Variants in UNC80 observed in about 807,000 individuals in gnomAD.
UNC80 encodes the protein unc-80 subunit of NALCN channel complex.
In UNC80, 164 loss-of-function variants were observed where a neutral mutation model predicts 384.6. The observed-to-expected ratio is 0.43, with a 90% confidence interval of 0.38 to 0.49. The LOEUF is 0.49. UNC80 is among the 20% of genes least tolerant of loss of function. The pLI is 0.00. For missense variants in UNC80, 3,330 were observed against 4,143.0 expected (o/e 0.80, Z 5.39); for synonymous variants, 1,486 against 1,527.8 (o/e 0.97, Z 0.64).
Position 209,921,657 on chromosome 2 carries a change from G to C in UNC80, c.5501G>C (p.Cys1834Ser). Residue 1834 changes from cysteine to serine, a missense_variant, in exon 34 of 65, where the codon TGC becomes TCC. Physicochemically the swap from Cys to Ser is moderately radical, Grantham distance 112 (BLOSUM62 -1). Coordinates refer to ENST00000673920, the MANE Select transcript of UNC80 (RefSeq NM_001371986.1). ...CAGGAGGCTTGCTATGAGCCCACAT[G>C]CACGCCCAACTCAGAACCGGAAGAA... ...ITQEACYEPTCTPNSEPEEEV... is the reference protein window; with the variant it reads ...ITQEACYEPTSTPNSEPEEEV... The C allele has an allele frequency of 3.9e-6, 6 of 1,551,406 alleles. No individual in the cohort carries two copies. The highest frequency in any genetic ancestry group is 5.2e-6 in the Non-Finnish European group (6 of 1,146,884).
intron 61 of UNC80, among the ~76,000 whole-genome samples, chr2:209,989,209 CAGCTTCTT>C (rs2093348382): frequency 1.3e-5 from 2 of 151,178 alleles, no homozygotes; most frequent in South Asian, 4.2e-4. Context: ...TCTGTAATCT[CAGCTTCTT>C]AGGAGGCTGA....
chr2:209,821,998 T>C (rs1453563323), intron 13 of UNC80, among the ~76,000 whole-genome samples: 1 of 152,200 alleles, frequency 6.6e-6, no homozygotes, highest in Non-Finnish European at 1.5e-5. Context: ...GTTGCAATAC[T>C]CCTTCCTCTT....
intron 48 of UNC80, among the ~76,000 whole-genome samples, chr2:209,955,035 C>T (rs1006277813): frequency 2.6e-5 from 4 of 152,220 alleles, no homozygotes; most frequent in Middle Eastern, 3.4e-3. Flanking sequence ...GGACACTATG[C>T]GTATGATGGG....
chr2:209,800,837 G>A (rs2078501949), intron 7 of UNC80, among the ~76,000 whole-genome samples: 1 of 152,196 alleles, frequency 6.6e-6, no homozygotes, highest in Admixed American at 6.5e-5. Context: ...TCAGGAGCAA[G>A]TTGTTCAATT....
chr2:209,853,756 G>A (rs2082697115), intron 22 of UNC80, among the ~76,000 whole-genome samples: 1 of 152,062 alleles, frequency 6.6e-6, no homozygotes, highest in African/African-American at 2.4e-5. Context: ...ACATGCACAA[G>A]CAGTGATTTC....
chr2:209,936,555 A>G (rs984582935), intron 40 of UNC80, among the ~76,000 whole-genome samples: 5 of 152,156 alleles, frequency 3.3e-5, no homozygotes, highest in African/African-American at 1.2e-4. Context: ...GGTCCATATC[A>G]CATTATCAGT....
At chr2:209,994,797 T>TA (rs1402970989) in intron 64 of UNC80, among the ~76,000 whole-genome samples, 1 of 152,146 alleles carries the variant, frequency 6.6e-6, no homozygotes, top group African/African-American at 2.4e-5. Flanking sequence ...TAGTTCAATT[T>TA]AAAAAAATTA....
At chr2:209,852,596 G>C (rs2082609088) in intron 22 of UNC80, among the ~76,000 whole-genome samples, 1 of 152,104 alleles carries the variant, frequency 6.6e-6, no homozygotes, top group Non-Finnish European at 1.5e-5. Flanking sequence ...TAAAGGGGCT[G>C]GTGAATTCTG....
chr2:209,809,160 C>T (rs2079148330), intron 7 of UNC80: 3 of 618,300 alleles, frequency 4.9e-6, no homozygotes, highest in African/African-American at 3.7e-5. Context: ...AGGCGGAGGC[C>T]GATACCACCT....
At position 209,816,806 on chromosome 2, in the gene UNC80, G is replaced by A. The variant is rs115338214; in HGVS notation, c.1336-103G>A. The A allele has an allele frequency of 0.013, 13,818 of 1,046,590 alleles. 120 individuals carry two copies. Among genetic ancestry groups the A allele is most frequent in the Non-Finnish European group, 0.015 (11,027 of 715,562 alleles). The allele number at this position is 1,046,590 out of a possible 1,614,324, so 64.8% of individuals were successfully genotyped here. The stretch of plus-strand genomic sequence containing the variant: ...GTGACTTTCTGGGTCTTCTCTTCCT[G>A]GCACATTTCTTGTATTTTACTGCAG... On this transcript the variant is annotated intron_variant, in intron 9 of 64. Coordinates refer to ENST00000673920, the MANE Select transcript of UNC80 (RefSeq NM_001371986.1).
intron 7 of UNC80, among the ~76,000 whole-genome samples, chr2:209,797,307 C>T (rs1289769795): frequency 6.6e-6 from 1 of 151,920 alleles, no homozygotes; most frequent in Non-Finnish European, 1.5e-5. Context: ...TGACCTGTCC[C>T]CTAAGTTCCC....
intron 13 of UNC80, among the ~76,000 whole-genome samples, chr2:209,822,358 A>G (rs1310464639): frequency 1.3e-5 from 2 of 152,228 alleles, no homozygotes; most frequent in Non-Finnish European, 2.9e-5. Flanking sequence ...TTGATTGCAT[A>G]TGCTAAGATC....
In UNC80 at chr2:209,928,369, A is replaced by G. The variant is rs137992020; in HGVS notation, c.5806+1383A>G. The stretch of plus-strand genomic sequence containing the variant: ...AAATAAAATAAAATAATGCACGTAA[A>G]TATATATTTCATGTATGTGAAATGA... On this transcript the variant is annotated intron_variant, in intron 36 of 64. Transcript: ENST00000673920. Among the ~76,000 whole-genome samples, 600 of 152,204 alleles carry G rather than the reference A, an allele frequency of 3.9e-3. 3 individuals are homozygous for G. The highest frequency in any genetic ancestry group is 0.014 in the African/African-American group (576 of 41,530).
chr2:209,888,373 T>C lies in UNC80; in HGVS notation c.4276+113T>C. 2.7e-6 allele frequency: 3 copies of C among 1,117,322 alleles called. No individual in the cohort carries two copies. The South Asian group carries it at 4.8e-5, about 18-fold the overall frequency. 69.2% of individuals were successfully genotyped at this position (1,117,322 alleles called of 1,614,324 possible). The stretch of plus-strand genomic sequence containing the variant: ...TACCCAAATTGTTGACTTCCTACAA[T>C]ACTGACTGTGTAGGCTTTATGATGG... On this transcript the variant is annotated intron_variant, in intron 26 of 64. Transcript: ENST00000673920.
intron 23 of UNC80, among the ~76,000 whole-genome samples, chr2:209,874,629 C>T (rs1558474): frequency 0.17 from 26,513 of 152,172 alleles, 3,197 homozygotes; most frequent in African/African-American, 0.34. Context: ...CTTTCCTGGT[C>T]CTCTGTCTCC....
intron 31 of UNC80, among the ~76,000 whole-genome samples, chr2:209,915,044 G>A (rs553131153): frequency 4.2e-4 from 64 of 152,194 alleles, no homozygotes; most frequent in African/African-American, 1.5e-3. Flanking sequence ...TCAGGGAATG[G>A]CACACTCCCC....
chr2:209,808,704 T>C (rs2079087529), intron 7 of UNC80: 2 of 107,712 alleles, frequency 1.9e-5, no homozygotes, highest in Non-Finnish European at 3.9e-5. Flanking sequence ...CTTAAGGGAG[T>C]TGGCGGAGCG....
At chr2:209,981,582 CAAA>C (rs2093158072) in intron 59 of UNC80, among the ~76,000 whole-genome samples, 1 of 119,430 alleles carries the variant, frequency 8.4e-6, no homozygotes, top group Non-Finnish European at 1.9e-5. Context: ...GTCTCAAAAA[CAAA>C]AAACAAACAA....
chr2:209,895,724 A>G, intron 27 of UNC80, among the ~76,000 whole-genome samples: 1 of 152,180 alleles, frequency 6.6e-6, no homozygotes, highest in East Asian at 1.9e-4. Context: ...CCAAGTAGGG[A>G]ATTCTTGAGA....
Sources: allele counts gnomAD v4.1 joint callset (sites outside exome capture counted in the v4.1 genomes callset), GRCh38; gene constraint gnomAD v4.1.1; transcripts MANE v1.5; gene names NCBI Gene and HGNC (gene_info 2026-07-23, HGNC 2026-07-21).